Variants in CCSER1 observed in about 807,000 individuals in gnomAD.
CCSER1 encodes serine-rich coiled-coil domain-containing protein 1.
Under a neutral mutation model 82.0 loss-of-function variants are expected in CCSER1, and 41 were observed. That is an observed-to-expected ratio of 0.50 (90% CI 0.39 to 0.65). CCSER1 has a LOEUF of 0.65. CCSER1 is among the 30% of genes least tolerant of loss of function. The pLI is 0.00. For missense variants in CCSER1, 1,119 were observed against 1,064.2 expected (o/e 1.05, Z -0.72); for synonymous variants, 414 against 383.9 (o/e 1.08, Z -0.92).
chr4:90,960,739 A>T (rs900393542), intron 9 of CCSER1, among the ~76,000 whole-genome samples: 6 of 151,902 alleles, frequency 3.9e-5, no homozygotes, highest in African/African-American at 1.5e-4. Context: ...CTGATTCTCG[A>T]CTCCTTGCTG....
intron 5 of CCSER1, among the ~76,000 whole-genome samples, chr4:90,511,461 T>C (rs1024765027): frequency 6.6e-6 from 1 of 152,024 alleles, no homozygotes; most frequent in African/African-American, 2.4e-5. Context: ...TCAACACAGC[T>C]TTACGTTGGT....
intron 10 of CCSER1, among the ~76,000 whole-genome samples, chr4:91,131,803 A>G (rs1410843947): frequency 6.6e-6 from 1 of 152,032 alleles, no homozygotes; most frequent in East Asian, 1.9e-4. Context: ...ATCTATTTCA[A>G]AGTAAAAAGC....
intron 10 of CCSER1, among the ~76,000 whole-genome samples, chr4:91,376,835 G>A (rs939454486): frequency 3.3e-5 from 5 of 152,044 alleles, no homozygotes; most frequent in Non-Finnish European, 7.4e-5. Context: ...GTATACATGT[G>A]CCATGTTGGT....
chr4:90,564,672 T>C (rs1227292877), intron 5 of CCSER1, among the ~76,000 whole-genome samples: 4 of 144,138 alleles, frequency 2.8e-5, no homozygotes, highest in African/African-American at 8.3e-5. Flanking sequence ...TATATTTAAA[T>C]ATTTAATTCA....
chr4:91,353,634 G>A (rs1428464399), intron 10 of CCSER1, among the ~76,000 whole-genome samples: 1 of 152,072 alleles, frequency 6.6e-6, no homozygotes, highest in Admixed American at 6.5e-5. Context: ...TTATTAGTGG[G>A]AGTTCTCACT....
chr4:91,187,965 T>C (rs1734704672), intron 10 of CCSER1, among the ~76,000 whole-genome samples: 1 of 152,170 alleles, frequency 6.6e-6, no homozygotes, highest in African/African-American at 2.4e-5. Flanking sequence ...TTGTTAAATG[T>C]TGCTATGATA....
intron 10 of CCSER1, among the ~76,000 whole-genome samples, chr4:91,352,120 A>T (rs1748510077): frequency 6.6e-6 from 1 of 152,378 alleles, no homozygotes; most frequent in Admixed American, 6.5e-5. Flanking sequence ...GGCAATTTGT[A>T]TGATTCAATA....
rs145596633 is a variant in CCSER1 at position 90,781,772 on chromosome 4, T to C, written c.2011-33990T>C. On this transcript the variant is annotated intron_variant, in intron 7 of 10. Transcript: ENST00000509176. ...AAACCTGTCTTTTGTTACTGAAATA[T>C]TATCTTTTATTTTGGCTTTTTTGAT... 5.1e-3 allele frequency: 4,870 copies of C among 962,138 alleles called. 19 individuals are homozygous for C. The highest frequency in any genetic ancestry group is 5.6e-3 in the Non-Finnish European group (4,521 of 808,708). The allele number at this position is 962,138 out of a possible 1,614,324, so 59.6% of individuals were successfully genotyped here.
chr4:91,303,808 A>G (rs1473718424), intron 10 of CCSER1, among the ~76,000 whole-genome samples: 2 of 151,812 alleles, frequency 1.3e-5, no homozygotes, highest in African/African-American at 2.4e-5. Context: ...AAACAAACAA[A>G]CAACAACAAC....
intron 9 of CCSER1, among the ~76,000 whole-genome samples, chr4:90,960,787 A>G (rs1402920303): frequency 7.9e-5 from 12 of 152,170 alleles, no homozygotes; most frequent in Admixed American, 7.9e-4. Flanking sequence ...TAGCTACAAG[A>G]CTAGATTGGG....
Position 90,400,093 on chromosome 4 carries a change from C to G in CCSER1, c.1567C>G (p.Leu523Val). Residue 523 changes from leucine (L) to valine (V), a missense_variant, in exon 4 of 11, where the codon CTT becomes GTT. Coordinates refer to ENST00000509176, the MANE Select transcript of CCSER1 (RefSeq NM_001145065.2). ...GGATGAAGATGATCTAATGCTTGAT[C>G]TTGAATTTTTAGAGGAACAGAGTCT... ...ELDEDDLMLD[L>V]EFLEEQSLHP... 6.2e-7 allele frequency: 1 copy of G among 1,606,834 alleles called. No individual in the cohort carries two copies. Among genetic ancestry groups the G allele is most frequent in the East Asian group, 2.2e-5 (1 of 44,688 alleles).
rs147019867 is a variant in CCSER1, at chr4:90,181,695, T to C, written c.-42+53864T>C. ...AAGAACAACTTTTTGATTAAAAAAT[T>C]AAATTTCCCAGTAATTGCCAGCCTG... is the stretch of plus-strand genomic sequence containing the variant. On this transcript the variant is annotated intron_variant, in intron 1 of 10. Coordinates refer to ENST00000509176, the MANE Select transcript of CCSER1 (RefSeq NM_001145065.2). 6.0e-3 allele frequency among the ~76,000 whole-genome samples: 909 copies of C among 152,262 alleles called. 14 individuals are homozygous for C. Among genetic ancestry groups the C allele is most frequent in the African/African-American group, 0.021 (855 of 41,544 alleles).
chr4:91,378,274 C>A lies in CCSER1; in HGVS notation c.2218-220298C>A, dbSNP rs1202365265. On this transcript the variant is annotated intron_variant, in intron 10 of 10. Coordinates refer to ENST00000509176, the MANE Select transcript of CCSER1 (RefSeq NM_001145065.2). ...ATATGAACTTTAAAGTAGATTTTTC[C>A]AATTCTGTGAAGAAAGTCAGTGGTA... 2.0e-5 allele frequency among the ~76,000 whole-genome samples: 3 copies of A among 152,212 alleles called. No homozygotes were observed. The South Asian group carries it at 6.2e-4, about 32-fold the overall frequency.
chr4:91,564,863 C>T (rs1762809351), intron 10 of CCSER1, among the ~76,000 whole-genome samples: 1 of 151,724 alleles, frequency 6.6e-6, no homozygotes, highest in Admixed American at 6.6e-5. Context: ...GTTTGCTGTG[C>T]AGAAGATCCC....
At chr4:90,420,774 C>G (rs1418648001) in intron 4 of CCSER1, among the ~76,000 whole-genome samples, 1 of 152,076 alleles carries the variant, frequency 6.6e-6, no homozygotes, top group African/African-American at 2.4e-5. Flanking sequence ...GCATTTCCTA[C>G]TGACATAAAC....
intron 5 of CCSER1, 135 bp downstream of exon 5, chr4:90,468,489 T>C: frequency 1.4e-6 from 1 of 699,494 alleles, no homozygotes; most frequent in South Asian, 2.9e-5. Context: ...AAAAATCATC[T>C]ATTCTATATT....
At chr4:90,457,950 G>C (rs906173609) in intron 4 of CCSER1, among the ~76,000 whole-genome samples, 1 of 152,140 alleles carries the variant, frequency 6.6e-6, no homozygotes, top group Admixed American at 6.5e-5. Context: ...AATGTCCAGA[G>C]GGGCTCGAGA....
chr4:91,336,944 A>C (rs947883688), intron 10 of CCSER1, among the ~76,000 whole-genome samples: 2 of 152,102 alleles, frequency 1.3e-5, no homozygotes, highest in Non-Finnish European at 2.9e-5. Context: ...ATAATATGTG[A>C]ATGCATCTTT....
At chr4:90,483,409 G>T (rs1766422729) in intron 5 of CCSER1, among the ~76,000 whole-genome samples, 1 of 152,162 alleles carries the variant, frequency 6.6e-6, no homozygotes, top group African/African-American at 2.4e-5. Context: ...ATTTGATCCT[G>T]TCATTATGAT....
Sources: gnomAD v4.1 joint callset for allele counts (sites outside exome capture counted in the v4.1 genomes callset) on GRCh38, gnomAD v4.1.1 for gene constraint, MANE v1.5 for transcripts, NCBI Gene and HGNC (gene_info 2026-07-23, HGNC 2026-07-21) for gene names.